The following SLC25A12 variants were observed in gnomAD, a reference collection of about 807,000 sequenced individuals.
SLC25A12 encodes the protein electrogenic aspartate/glutamate antiporter SLC25A12, mitochondrial.
SLC25A12 carries 32 observed loss-of-function variants against 83.3 expected under a neutral mutation model. That is an observed-to-expected ratio of 0.38 (90% CI 0.29 to 0.52). The LOEUF (loss-of-function observed/expected upper bound fraction) is 0.52. Among genes scored for constraint, SLC25A12 ranks in the 20% least tolerant of loss-of-function variants. The pLI, the probability that SLC25A12 is intolerant of heterozygous loss-of-function variation, is 0.84. For synonymous variants in SLC25A12, 267 were observed against 291.1 expected, an observed-to-expected ratio of 0.92 and a Z score of 0.84; for missense variants, 611 against 835.6, an observed-to-expected ratio of 0.73 and a Z score of 3.31.
intron 15 of SLC25A12, chr2:171,788,724 A>T (rs1690535969): frequency 6.6e-6 from 1 of 152,514 alleles, no homozygotes; most frequent in Admixed American, 6.5e-5. Flanking sequence ...TTTGGCCTGA[A>T]TATCACTGTA....
chr2:171,826,661 G>T lies in SLC25A12; in HGVS notation c.930+137C>A. ...TGGGGGTAACAGTAGTTCTATAAAG[G>T]TAATCTTTAAGCTAAGTAAAGTCTT... On this transcript the variant is annotated intron_variant, in intron 9 of 17. Transcript: ENST00000422440. 4 of 683,602 alleles carry T rather than the reference G, an allele frequency of 5.9e-6. No individual in the cohort carries two copies. The South Asian group carries it at 6.7e-5, about 11-fold the overall frequency. 42.3% of individuals were successfully genotyped at this position (683,602 alleles called of 1,614,324 possible).
chr2:171,877,666 T>C (rs1212109173), intron 2 of SLC25A12, among the ~76,000 whole-genome samples: 1 of 115,224 alleles, frequency 8.7e-6, no homozygotes, highest in Non-Finnish European at 1.7e-5. Flanking sequence ...GAAGACTCCA[T>C]CCCAGGAAAA....
chr2:171,853,513 T>C (rs1457051785), intron 4 of SLC25A12, among the ~76,000 whole-genome samples: 1 of 152,178 alleles, frequency 6.6e-6, no homozygotes, highest in Non-Finnish European at 1.5e-5. Flanking sequence ...AAGCCCCGTC[T>C]CTACTAAAAA....
chr2:171,809,764 G>T, intron 12 of SLC25A12, 78 bp from the exon 13 acceptor site: 1 of 999,824 alleles, frequency 1.0e-6, no homozygotes, highest in East Asian at 2.4e-5. Flanking sequence ...TTCCAAGTCA[G>T]CAAAATATTT....
chr2:171,871,767 A>C, intron 2 of SLC25A12: 2 of 983,694 alleles, frequency 2.0e-6, no homozygotes, highest in South Asian at 9.4e-5. Flanking sequence ...GTATTGTTCC[A>C]TGGCTTGCAG....
intron 13 of SLC25A12, among the ~76,000 whole-genome samples, chr2:171,807,707 T>C (rs1683864102): frequency 6.6e-6 from 1 of 152,222 alleles, no homozygotes. Context: ...CTAATTGGAA[T>C]AAAGGAAGAA....
rs1684308989 is a variant in SLC25A12 at position 171,826,795 on chromosome 2, T to C, written c.930+3A>G. On this transcript the variant is annotated splice_donor_region_variant and intron_variant, in intron 9 of 17. Coordinates refer to ENST00000422440, the MANE Select transcript of SLC25A12 (RefSeq NM_003705.5). Reference sequence around the variant, plus strand: ...GTGATCATATTTATGAGATTACTCATACCTGTCTCTGAAGTTCTGCCAGGT... The same window carrying C: ...GTGATCATATTTATGAGATTACTCACACCTGTCTCTGAAGTTCTGCCAGGT... 1 of 1,537,518 alleles carries C rather than the reference T, an allele frequency of 6.5e-7. No homozygotes were observed. Among genetic ancestry groups the C allele is most frequent in the Non-Finnish European group, 9.0e-7 (1 of 1,110,102 alleles).
At chr2:171,836,947 C>T (rs1033905654) in intron 6 of SLC25A12, among the ~76,000 whole-genome samples, 174 bp downstream of exon 6, 6 of 145,150 alleles carry the variant, frequency 4.1e-5, no homozygotes, top group African/African-American at 7.5e-5. Flanking sequence ...CATTCACGTA[C>T]ACACACACAC....
At chr2:171,887,267 A>T (rs376370126) in intron 2 of SLC25A12, among the ~76,000 whole-genome samples, 1 of 152,256 alleles carries the variant, frequency 6.6e-6, no homozygotes, top group African/African-American at 2.4e-5. Context: ...CTAAAATAAG[A>T]CAGGAAAAAA....
At chr2:171,815,455 T>G (rs77681702) in intron 9 of SLC25A12, among the ~76,000 whole-genome samples, 2,240 of 152,296 alleles carry the variant, frequency 0.015, 52 homozygotes, top group African/African-American at 0.049. Flanking sequence ...AGCTTCCCAC[T>G]TACCCCAATT....
At chr2:171,844,314 C>T (rs1292690514) in intron 5 of SLC25A12, 55 bp downstream of exon 5, 54 of 1,558,916 alleles carry the variant, frequency 3.5e-5, no homozygotes, top group South Asian at 3.0e-4. Context: ...AAATACAAAG[C>T]GAAGGACACA....
chr2:171,868,557 G>A (rs528050675), intron 3 of SLC25A12, 124 bp downstream of exon 3: 15 of 900,650 alleles, frequency 1.7e-5, no homozygotes, highest in African/African-American at 6.6e-5. Context: ...CAGGTGATCC[G>A]CCCGCCTCAG....
intron 6 of SLC25A12, among the ~76,000 whole-genome samples, chr2:171,836,454 T>C (rs1684559271): frequency 6.6e-6 from 1 of 152,198 alleles, no homozygotes; most frequent in Non-Finnish European, 1.5e-5. Flanking sequence ...AGATGATTAC[T>C]TTATAGAGAT....
At chr2:171,838,497 T>A (rs1365602647) in intron 5 of SLC25A12, among the ~76,000 whole-genome samples, 2 of 152,132 alleles carry the variant, frequency 1.3e-5, no homozygotes, top group African/African-American at 4.8e-5. Context: ...TTTTCTTTCC[T>A]TCTACCTCTT....
At chr2:171,891,644 T>C (rs928679090) in intron 2 of SLC25A12, among the ~76,000 whole-genome samples, 2 of 152,346 alleles carry the variant, frequency 1.3e-5, no homozygotes, top group South Asian at 4.1e-4. Flanking sequence ...TCAACTCATT[T>C]CTTCCGCATC....
At chr2:171,789,260 A>G (rs931552862) in intron 15 of SLC25A12, among the ~76,000 whole-genome samples, 3 of 151,492 alleles carry the variant, frequency 2.0e-5, no homozygotes, top group South Asian at 2.1e-4. Flanking sequence ...AGACAGTCTC[A>G]CTCTGTCGCC....
At chr2:171,891,943 C>A (rs1263403874) in intron 2 of SLC25A12, among the ~76,000 whole-genome samples, 2 of 152,178 alleles carry the variant, frequency 1.3e-5, no homozygotes, top group Non-Finnish European at 2.9e-5. Flanking sequence ...GCGTCTTACC[C>A]AACAATAGCT....
chr2:171,800,308 A>T (rs1020704744), intron 13 of SLC25A12, among the ~76,000 whole-genome samples: 19 of 138,126 alleles, frequency 1.4e-4, no homozygotes, highest in African/African-American at 3.9e-4. Flanking sequence ...TACGCAAAAG[A>T]CTTGAACAGA....
intron 5 of SLC25A12, among the ~76,000 whole-genome samples, chr2:171,839,619 A>T (rs1684630913): frequency 6.6e-6 from 1 of 152,200 alleles, no homozygotes; most frequent in Non-Finnish European, 1.5e-5. Flanking sequence ...AAAGAACAAA[A>T]CAAAACAAAA....
Sources: allele counts gnomAD v4.1 joint callset (sites outside exome capture counted in the v4.1 genomes callset), GRCh38; gene constraint gnomAD v4.1.1; transcripts MANE v1.5; gene names NCBI Gene and HGNC (gene_info 2026-07-23, HGNC 2026-07-21).